The following TPD52L1 variants were observed in gnomAD, a reference collection of about 807,000 sequenced individuals.
TPD52L1 encodes the protein tumor protein D53.
A neutral mutation model predicts 28.7 loss-of-function variants in TPD52L1; 18 were observed. The ratio of observed to expected loss-of-function variants is 0.63; its 90% CI spans 0.43 to 0.93. The LOEUF is 0.93. Among genes scored for constraint, TPD52L1 ranks in the 40% least tolerant of loss-of-function variants. The pLI, the probability that TPD52L1 is intolerant of heterozygous loss-of-function variation, is 0.00. For missense variants in TPD52L1, 203 were observed against 254.8 expected, an observed-to-expected ratio of 0.80 and a Z score of 1.39; for synonymous variants, 75 against 88.8, an observed-to-expected ratio of 0.84 and a Z score of 0.88.
chr6:125,241,772 G>C (rs1233834737), intron 3 of TPD52L1, among the ~76,000 whole-genome samples: 1 of 150,892 alleles, frequency 6.6e-6, no homozygotes, highest in Non-Finnish European at 1.5e-5. Context: ...TGAAGAATCA[G>C]CTTTTTGTTT....
chr6:125,212,342 ATTAT>A (rs1197414707), intron 1 of TPD52L1, among the ~76,000 whole-genome samples: 1 of 152,160 alleles, frequency 6.6e-6, no homozygotes, highest in African/African-American at 2.4e-5. Flanking sequence ...ACAGTGCAAG[ATTAT>A]TTTACTATTC....
chr6:125,181,117 A>C (rs895506380), intron 1 of TPD52L1, among the ~76,000 whole-genome samples: 6 of 152,196 alleles, frequency 3.9e-5, no homozygotes, highest in Non-Finnish European at 8.8e-5. Context: ...TGAACCCAGT[A>C]ATGAATACGA....
intron 1 of TPD52L1, among the ~76,000 whole-genome samples, chr6:125,204,408 G>A (rs1183035665): frequency 1.3e-5 from 2 of 152,288 alleles, no homozygotes; most frequent in African/African-American, 4.8e-5. Flanking sequence ...CATTGCATTG[G>A]TTGCAAGTCT....
Position 125,166,937 on chromosome 6 carries a change from G to A in TPD52L1, c.19+12967G>A, listed in dbSNP as rs141688216. Among the ~76,000 whole-genome samples, 10 of 152,074 alleles carry A rather than the reference G, an allele frequency of 6.6e-5. No individual in the cohort carries two copies. The East Asian group carries it at 1.4e-3, about 21-fold the overall frequency. ...TGCTTTTAGTCAGATAAAGGATTTCGGGAACTCAAATGCCTTCAGCTCAAA... is the reference window on the plus strand; with the variant it reads ...TGCTTTTAGTCAGATAAAGGATTTCAGGAACTCAAATGCCTTCAGCTCAAA... On this transcript the variant is annotated intron_variant, in intron 1 of 6. Transcript: ENST00000534000.
At chr6:125,219,926 A>G (rs750271495) in intron 1 of TPD52L1, 152 bp from the exon 2 acceptor site, 4 of 694,274 alleles carry the variant, frequency 5.8e-6, no homozygotes, top group Non-Finnish European at 1.1e-5. Context: ...AGCTCGTCAC[A>G]CATTTAGGAG....
intron 1 of TPD52L1, among the ~76,000 whole-genome samples, chr6:125,212,650 G>A (rs1794598706): frequency 6.6e-6 from 1 of 152,190 alleles, no homozygotes; most frequent in South Asian, 2.1e-4. Context: ...GACAGGGAAG[G>A]GCATAAGCTT....
intron 3 of TPD52L1, among the ~76,000 whole-genome samples, chr6:125,239,832 T>C (rs1796508173): frequency 6.6e-6 from 1 of 152,194 alleles, no homozygotes; most frequent in Non-Finnish European, 1.5e-5. Context: ...GCTTTTTAGT[T>C]TAATTAGGTC....
At chr6:125,158,620 A>AAT (rs1212241874) in intron 1 of TPD52L1, among the ~76,000 whole-genome samples, 13 of 152,232 alleles carry the variant, frequency 8.5e-5, no homozygotes, top group African/African-American at 3.1e-4. Flanking sequence ...TAGAAAAATG[A>AAT]ATATAATCAC....
At chr6:125,158,230 A>G (rs1790268546) in intron 1 of TPD52L1, among the ~76,000 whole-genome samples, 1 of 152,186 alleles carries the variant, frequency 6.6e-6, no homozygotes, top group Non-Finnish European at 1.5e-5. Flanking sequence ...AGGGGCCATC[A>G]TTCAGTTTAC....
At chr6:125,198,978 T>C (rs978839055) in intron 1 of TPD52L1, among the ~76,000 whole-genome samples, 1 of 152,182 alleles carries the variant, frequency 6.6e-6, no homozygotes, top group African/African-American at 2.4e-5. Context: ...CAAGATGAGA[T>C]GAGTTTAGCT....
intron 1 of TPD52L1, among the ~76,000 whole-genome samples, chr6:125,206,234 A>G (rs1317272623): frequency 6.6e-6 from 1 of 152,200 alleles, no homozygotes; most frequent in Non-Finnish European, 1.5e-5. Flanking sequence ...TTAGAGGACG[A>G]TGTCTGAAAT....
chr6:125,189,703 C>G (rs926313520), intron 1 of TPD52L1, among the ~76,000 whole-genome samples: 3 of 152,116 alleles, frequency 2.0e-5, no homozygotes, highest in East Asian at 1.9e-4. Context: ...CTGCTTGGTA[C>G]TTTTCCATGA....
chr6:125,165,858 A>G (rs1349276829), intron 1 of TPD52L1, among the ~76,000 whole-genome samples: 1 of 152,190 alleles, frequency 6.6e-6, no homozygotes, highest in African/African-American at 2.4e-5. Context: ...ACCAGCTGCT[A>G]GGAAAAGTCA....
At chr6:125,191,211 C>T (rs1793017201) in intron 1 of TPD52L1, among the ~76,000 whole-genome samples, 1 of 152,178 alleles carries the variant, frequency 6.6e-6, no homozygotes, top group Non-Finnish European at 1.5e-5. Flanking sequence ...TTTGTTCCAG[C>T]CACGCTTTCT....
chr6:125,182,847 C>T, intron 1 of TPD52L1, among the ~76,000 whole-genome samples: 1 of 152,170 alleles, frequency 6.6e-6, no homozygotes, highest in East Asian at 1.9e-4. Context: ...AGCTTGTGTG[C>T]CAAGTATTTA....
At chr6:125,163,865 C>T (rs1245186624) in intron 1 of TPD52L1, among the ~76,000 whole-genome samples, 4 of 146,364 alleles carry the variant, frequency 2.7e-5, no homozygotes, top group African/African-American at 7.6e-5. Context: ...TGCAGTGAGC[C>T]GAGATCATGT....
chr6:125,219,880 C>CT (rs893216606), intron 1 of TPD52L1, 198 bp from the exon 2 acceptor site: 7 of 601,576 alleles, frequency 1.2e-5, no homozygotes, highest in African/African-American at 5.6e-5. Context: ...TAATTTTTTT[C>CT]TTTTTTTGGC....
chr6:125,186,093 C>A (rs1192043565), intron 1 of TPD52L1, among the ~76,000 whole-genome samples: 1 of 151,942 alleles, frequency 6.6e-6, no homozygotes, highest in Non-Finnish European at 1.5e-5. Flanking sequence ...GGTGTTTCAC[C>A]ATGTCGATCA....
At chr6:125,219,907 CT>C (rs1431772868) in intron 1 of TPD52L1, 170 bp from the exon 2 acceptor site, 1 of 663,746 alleles carries the variant, frequency 1.5e-6, no homozygotes, top group Non-Finnish European at 2.7e-6. Flanking sequence ...GTATTCTTTG[CT>C]TTCTTGGAGC....
Sources: allele counts gnomAD v4.1 joint callset (sites outside exome capture counted in the v4.1 genomes callset), GRCh38; gene constraint gnomAD v4.1.1; transcripts MANE v1.5; gene names NCBI Gene and HGNC (gene_info 2026-07-23, HGNC 2026-07-21).